Variants in GOLGB1 observed in about 807,000 individuals in gnomAD.
GOLGB1 encodes the protein golgin subfamily B member 1.
A neutral mutation model predicts 336.9 loss-of-function variants in GOLGB1; 174 were observed. That is an observed-to-expected ratio of 0.52 (90% CI 0.46 to 0.59). The LOEUF (loss-of-function observed/expected upper bound fraction) is 0.59, where lower values mean the gene tolerates loss of function less well. GOLGB1 is among the 20% of genes least tolerant of loss of function. The pLI, the probability that GOLGB1 is intolerant of heterozygous loss-of-function variation, is 0.00. For synonymous variants in GOLGB1, 1,208 were observed against 1,289.2 expected (o/e 0.94, Z 1.35); for missense variants, 3,331 against 3,645.3 (o/e 0.91, Z 2.22).
At chr3:121,675,391 C>A (rs1233550826) in intron 17 of GOLGB1, among the ~76,000 whole-genome samples, 1 of 151,950 alleles carries the variant, frequency 6.6e-6, no homozygotes, top group Non-Finnish European at 1.5e-5. Flanking sequence ...TGTAAAAACA[C>A]CAACTGCACT....
At chr3:121,684,543 G>A (rs1224801090) in intron 14 of GOLGB1, among the ~76,000 whole-genome samples, 1 of 152,084 alleles carries the variant, frequency 6.6e-6, no homozygotes, top group Non-Finnish European at 1.5e-5. Context: ...AAGGTGGGGT[G>A]AGGGGAAGGG....
intron 14 of GOLGB1, 70 bp downstream of exon 14, chr3:121,690,600 T>C: frequency 1.3e-6 from 1 of 775,814 alleles, no homozygotes; most frequent in Non-Finnish European, 1.9e-6. Flanking sequence ...TATCCTTTTC[T>C]ATAAAAATAA....
intron 1 of GOLGB1, among the ~76,000 whole-genome samples, chr3:121,747,375 G>A (rs1451394485): frequency 7.5e-6 from 1 of 134,212 alleles, no homozygotes; most frequent in East Asian, 2.0e-4. Flanking sequence ...ATACGTATAT[G>A]TCTATATACG....
chr3:121,664,803 C>T, intron 21 of GOLGB1, 123 bp downstream of exon 21: 1 of 795,224 alleles, frequency 1.3e-6, no homozygotes, highest in Non-Finnish European at 2.1e-6. Flanking sequence ...GCCCTTCCAG[C>T]CTTAGACTCA....
At chr3:121,683,053 A>ATTTTTTTTTTT (rs746649684) in intron 14 of GOLGB1, among the ~76,000 whole-genome samples, 3,870 of 82,382 alleles carry the variant, frequency 0.047, 475 homozygotes, top group Non-Finnish European at 0.058. Context: ...ATTTCTTTTA[A>ATTTTTTTTTTT]TTTTTTTTTT....
chr3:121,732,439 C>T (rs900170790), intron 1 of GOLGB1, among the ~76,000 whole-genome samples: 3 of 152,120 alleles, frequency 2.0e-5, no homozygotes, highest in African/African-American at 7.2e-5. Flanking sequence ...ACCAATGTTC[C>T]TCATGGTCAC....
At chr3:121,721,334 G>A (rs146735247) in intron 6 of GOLGB1, among the ~76,000 whole-genome samples, 7 of 151,724 alleles carry the variant, frequency 4.6e-5, no homozygotes, top group Admixed American at 1.3e-4. Flanking sequence ...TTCCCCCACC[G>A]CTGCCCCCAC....
intron 14 of GOLGB1, among the ~76,000 whole-genome samples, chr3:121,688,635 G>A (rs1342310436): frequency 6.6e-6 from 1 of 152,050 alleles, no homozygotes; most frequent in East Asian, 1.9e-4. Context: ...GAGCGTCTCT[G>A]CCTGGCCGCC....
intron 15 of GOLGB1, among the ~76,000 whole-genome samples, chr3:121,680,503 A>C (rs1211024966): frequency 1.3e-5 from 2 of 152,246 alleles, no homozygotes; most frequent in Non-Finnish European, 2.9e-5. Flanking sequence ...AATAGAAGAT[A>C]TAAAGAAGAA....
chr3:121,679,936 C>T (rs563848363), intron 15 of GOLGB1, among the ~76,000 whole-genome samples: 2 of 152,298 alleles, frequency 1.3e-5, no homozygotes, highest in South Asian at 4.1e-4. Context: ...GGATTCTGGA[C>T]TTTGAGTACT....
rs1240945807 is a variant in GOLGB1 at position 121,697,445 on chromosome 3, A to G, written c.3078T>C (p.Asp1026=). 2 of 1,610,922 alleles carry G rather than the reference A, an allele frequency of 1.2e-6. No homozygotes were observed. Among genetic ancestry groups the G allele is most frequent in the South Asian group, 1.1e-5 (1 of 90,252 alleles). Residue 1026 remains aspartate (D), a synonymous_variant, in exon 13 of 22, where the codon GAT becomes GAC. Transcript: ENST00000614479. The stretch of plus-strand genomic sequence containing the variant: ...TGAGTGGGATTTCTTTCTTAGATTC[A>G]TCTTTCAAGTTGGCTAATTCTTCTT... ...RLEEELANLK[D]ESKKEIPLSE... is the part of the protein sequence containing the mutation.
intron 11 of GOLGB1, among the ~76,000 whole-genome samples, chr3:121,702,272 C>G (rs1447163129): frequency 6.6e-6 from 1 of 152,096 alleles, no homozygotes; most frequent in African/African-American, 2.4e-5. Flanking sequence ...CATGTATAGT[C>G]CATATTGCAA....
At chr3:121,734,972 A>G (rs1440892280) in intron 1 of GOLGB1, among the ~76,000 whole-genome samples, 1 of 152,248 alleles carries the variant, frequency 6.6e-6, no homozygotes, top group Admixed American at 6.5e-5. Context: ...AAGAATGAAC[A>G]ATTGATTCAC....
At chr3:121,677,752 T>G (rs754016492) in intron 15 of GOLGB1, among the ~76,000 whole-genome samples, 1 of 152,222 alleles carries the variant, frequency 6.6e-6, no homozygotes, top group Non-Finnish European at 1.5e-5. Flanking sequence ...GAAATAAGCC[T>G]TTAGAGCTTT....
At chr3:121,704,945 T>C (rs914039187) in intron 10 of GOLGB1, among the ~76,000 whole-genome samples, 1 of 152,068 alleles carries the variant, frequency 6.6e-6, no homozygotes, top group Non-Finnish European at 1.5e-5. Context: ...TTATAGGTTG[T>C]TGTAGAGGCT....
chr3:121,683,894 C>A (rs1941395017), intron 14 of GOLGB1, among the ~76,000 whole-genome samples: 1 of 151,856 alleles, frequency 6.6e-6, no homozygotes, highest in Admixed American at 6.6e-5. Context: ...CTTTGGGGGG[C>A]CGAGGTGGGC....
At chr3:121,673,686 GCTATCTATCTATCTAT>G (rs59292082) in intron 17 of GOLGB1, among the ~76,000 whole-genome samples, 120 of 145,564 alleles carry the variant, frequency 8.2e-4, no homozygotes, top group Non-Finnish European at 1.2e-3. Context: ...AAATGGGATT[GCTATCTATCTATCTAT>G]CTATCTATCT....
intron 5 of GOLGB1, among the ~76,000 whole-genome samples, chr3:121,724,663 A>C (rs918545982): frequency 2.6e-5 from 4 of 152,188 alleles, no homozygotes; most frequent in Admixed American, 6.5e-5. Flanking sequence ...CCACTTGCTA[A>C]AGAAATTAAC....
chr3:121,685,491 C>A (rs3966063), intron 14 of GOLGB1, among the ~76,000 whole-genome samples: 1 of 151,448 alleles, frequency 6.6e-6, no homozygotes, highest in African/African-American at 2.4e-5. Flanking sequence ...GCTGAGATGG[C>A]GCCACTGCAC....
Sources: gnomAD v4.1 joint callset for allele counts (sites outside exome capture counted in the v4.1 genomes callset) on GRCh38, gnomAD v4.1.1 for gene constraint, MANE v1.5 for transcripts, NCBI Gene and HGNC (gene_info 2026-07-23, HGNC 2026-07-21) for gene names.